Variants in CPNE4 observed in about 807,000 individuals in gnomAD.
CPNE4 encodes the protein copine 4.
CPNE4 carries 25 observed loss-of-function variants against 67.9 expected under a neutral mutation model. That is an observed-to-expected ratio of 0.37 (90% CI 0.27 to 0.51). The LOEUF is 0.51. Among genes scored for constraint, CPNE4 ranks in the 20% least tolerant of loss-of-function variants. The pLI is 0.93. For missense variants in CPNE4, 464 were observed against 690.8 expected, an observed-to-expected ratio of 0.67 and a Z score of 3.68; for synonymous variants, 242 against 244.9, an observed-to-expected ratio of 0.99 and a Z score of 0.11.
intron 7 of CPNE4, among the ~76,000 whole-genome samples, chr3:131,662,553 T>G (rs1228189258): frequency 6.6e-6 from 1 of 152,156 alleles, no homozygotes; most frequent in Non-Finnish European, 1.5e-5. Context: ...TATTTCTCTT[T>G]TTGCAATCTA....
At chr3:132,037,790 G>C (rs1583631147), upstream of CPNE4, 2 of 562,366 alleles carry the variant, frequency 3.6e-6, no homozygotes, top group East Asian at 5.7e-5. Flanking sequence ...AGTGTGACAA[G>C]TGAAATCCTG....
At chr3:131,542,267 G>A (rs567201199) in intron 15 of CPNE4, among the ~76,000 whole-genome samples, 38 of 152,088 alleles carry the variant, frequency 2.5e-4, no homozygotes, top group Non-Finnish European at 4.3e-4. Context: ...TATAGGGCAA[G>A]CATCAGTGAA....
intron 2 of CPNE4, among the ~76,000 whole-genome samples, chr3:131,866,036 A>G (rs1448812943): frequency 6.6e-6 from 1 of 152,220 alleles, no homozygotes; most frequent in African/African-American, 2.4e-5. Flanking sequence ...GACTTTGGGT[A>G]AGGAGGCTCT....
At chr3:131,849,988 T>C (rs4854626) in intron 2 of CPNE4, among the ~76,000 whole-genome samples, 32,365 of 152,062 alleles carry the variant, frequency 0.21, 3,788 homozygotes, top group Admixed American at 0.33. Flanking sequence ...TGGTCTGTGC[T>C]GTAACTCTAT....
chr3:132,007,366 T>C (rs981145651), intron 1 of CPNE4, among the ~76,000 whole-genome samples: 3 of 152,092 alleles, frequency 2.0e-5, no homozygotes, highest in Non-Finnish European at 2.9e-5. Flanking sequence ...AACTCTGGAG[T>C]CAGACATGTC....
intron 7 of CPNE4, among the ~76,000 whole-genome samples, chr3:131,659,013 G>C (rs989817659): frequency 2.6e-5 from 4 of 152,186 alleles, no homozygotes; most frequent in Non-Finnish European, 5.9e-5. Context: ...CTGTTGACAA[G>C]GCTAGGTTAA....
chr3:131,980,882 T>C (rs184767152), intron 1 of CPNE4, among the ~76,000 whole-genome samples: 6 of 152,274 alleles, frequency 3.9e-5, no homozygotes, highest in Non-Finnish European at 7.3e-5. Context: ...TCCCACATGA[T>C]GTTCCCTTGT....
intron 1 of CPNE4, among the ~76,000 whole-genome samples, chr3:131,907,204 G>A (rs11925138): frequency 0.11 from 16,325 of 152,142 alleles, 973 homozygotes; most frequent in African/African-American, 0.16. Flanking sequence ...GAAGACGACT[G>A]AACGTATAAG....
Position 131,841,357 on chromosome 3 carries a change from C to A in CPNE4, c.180+63907G>T, listed in dbSNP as rs767487258. On this transcript the variant is annotated intron_variant, in intron 2 of 15. Transcript: ENST00000429747. ...TACATCACTAAGCATGCATAGAAAT[C>A]ATCACACAGGGGTCCCCAACCCCTG... Among the ~76,000 whole-genome samples the A allele has an allele frequency of 2.0e-5, 3 of 152,178 alleles. 1 individual carries two copies. The highest frequency in any genetic ancestry group is 4.1e-4 in the South Asian group (2 of 4,824).
chr3:131,561,275 G>A (rs1441692959), intron 11 of CPNE4, among the ~76,000 whole-genome samples: 1 of 151,990 alleles, frequency 6.6e-6, no homozygotes, highest in Non-Finnish European at 1.5e-5. Context: ...TTGGCTTTGA[G>A]CAGACTAGGG....
intron 1 of CPNE4, among the ~76,000 whole-genome samples, chr3:131,906,811 C>A (rs2088787181): frequency 6.6e-6 from 1 of 151,634 alleles, no homozygotes; most frequent in Non-Finnish European, 1.5e-5. Flanking sequence ...AGTTCTAGAT[C>A]CCTGAGGAAT....
intron 2 of CPNE4, among the ~76,000 whole-genome samples, chr3:131,875,566 C>G (rs541645569): frequency 9.5e-4 from 145 of 152,014 alleles, no homozygotes; most frequent in African/African-American, 3.4e-3. Flanking sequence ...TCATTCTCAG[C>G]AAACTATCGC....
intron 15 of CPNE4, chr3:131,537,581 C>T (rs1935229077): frequency 1.1e-5 from 3 of 275,846 alleles, no homozygotes; most frequent in South Asian, 3.6e-5. Context: ...CCGCACCCAG[C>T]CCTGAAGACT....
At chr3:131,655,659 G>A (rs1320663045) in intron 7 of CPNE4, among the ~76,000 whole-genome samples, 1 of 150,988 alleles carries the variant, frequency 6.6e-6, no homozygotes, top group Non-Finnish European at 1.5e-5. Flanking sequence ...TCGGGGGGCA[G>A]GGGGGTGGAG....
chr3:131,792,355 T>A lies in CPNE4; in HGVS notation c.181-68730A>T, dbSNP rs527636054. Among the ~76,000 whole-genome samples the A allele has an allele frequency of 1.0e-3, 157 of 152,088 alleles. 1 individual carries two copies. The highest frequency in any genetic ancestry group is 3.5e-3 in the African/African-American group (145 of 41,508). On this transcript the variant is annotated intron_variant, in intron 2 of 15. Transcript: ENST00000429747. ...TCTGCACAGAGTATTTATACTCAAT[T>A]TTAATTCACCCAAAAAGTGCTTACT...
intron 8 of CPNE4, among the ~76,000 whole-genome samples, 184 bp downstream of exon 8, chr3:131,587,300 A>G (rs756034427): frequency 1.1e-4 from 16 of 152,212 alleles, no homozygotes; most frequent in Non-Finnish European, 2.2e-4. Flanking sequence ...GTCTTGTCCA[A>G]GCACACACAA....
chr3:131,774,159 G>T (rs1366779420), intron 2 of CPNE4, among the ~76,000 whole-genome samples: 6 of 152,202 alleles, frequency 3.9e-5, no homozygotes, highest in South Asian at 2.1e-4. Flanking sequence ...AGCAGGCAGG[G>T]TCCTCATAGA....
At chr3:131,748,513 G>T (rs1352769636) in intron 2 of CPNE4, among the ~76,000 whole-genome samples, 1 of 151,630 alleles carries the variant, frequency 6.6e-6, no homozygotes, top group African/African-American at 2.4e-5. Context: ...GTGTAAATTG[G>T]GATTAATTCT....
intron 2 of CPNE4, among the ~76,000 whole-genome samples, chr3:131,844,461 T>G (rs1267379158): frequency 1.3e-5 from 2 of 151,914 alleles, no homozygotes; most frequent in African/African-American, 4.8e-5. Context: ...AGAGACGAGG[T>G]TTCACCATGT....
Sources: gnomAD v4.1 joint callset for allele counts (sites outside exome capture counted in the v4.1 genomes callset) on GRCh38, gnomAD v4.1.1 for gene constraint, MANE v1.5 for transcripts, NCBI Gene and HGNC (gene_info 2026-07-23, HGNC 2026-07-21) for gene names.